Variants in ANKRD40 observed in about 807,000 individuals in gnomAD.
The protein encoded by ANKRD40 is ankyrin repeat domain 40, also known as ankyrin repeat domain-containing protein 40.
ANKRD40 carries 24 observed loss-of-function variants against 35.5 expected under a neutral mutation model. The ratio of observed to expected loss-of-function variants is 0.68; its 90% confidence interval spans 0.49 to 0.95. The LOEUF is 0.95. Among genes scored for constraint, ANKRD40 ranks in the 40% least tolerant of loss-of-function variants. ANKRD40 has a pLI of 0.00. For missense variants in ANKRD40, 361 were observed against 436.0 expected (o/e 0.83, Z 1.53); for synonymous variants, 147 against 173.5 (o/e 0.85, Z 1.20).
At chr17:50,701,714 T>C (rs1235527402) in intron 1 of ANKRD40, among the ~76,000 whole-genome samples, 1 of 152,234 alleles carries the variant, frequency 6.6e-6, no homozygotes, top group Non-Finnish European at 1.5e-5. Flanking sequence ...CTGAGATACA[T>C]ATCTTCAGAG....
chr17:50,696,203 C>T (rs771951371), intron 4 of ANKRD40, 60 bp from the exon 5 acceptor site: 25 of 1,537,312 alleles, frequency 1.6e-5, no homozygotes, highest in African/African-American at 9.6e-5. Context: ...ATGTTTGGTG[C>T]ACTCTATTGA....
rs762135918 is a variant in ANKRD40, at chr17:50,707,043, G to A, written c.134+478C>T. ...AACAACAGAGAAGCAGAATGGTGAT[G>A]CAAATGTGTTTTTTTTTCCTGGTCT... is the stretch of plus-strand genomic sequence containing the variant. On this transcript the variant is annotated intron_variant, in intron 1 of 4. Coordinates refer to ENST00000285243, the MANE Select transcript of ANKRD40 (RefSeq NM_052855.4). The surrounding 1 kb of genome is among the most constrained non-coding windows in gnomAD (Gnocchi z 4.8). Among the ~76,000 whole-genome samples, 5 of 151,986 alleles carry A rather than the reference G, an allele frequency of 3.3e-5. No individual in the cohort carries two copies. The highest frequency in any genetic ancestry group is 6.6e-5 in the Admixed American group (1 of 15,254).
intron 2 of ANKRD40, chr17:50,700,341 G>A: frequency 2.5e-6 from 1 of 401,252 alleles, no homozygotes; most frequent in East Asian, 4.3e-5. Flanking sequence ...TACTTGGGAG[G>A]CTGAGGCAGG....
chr17:50,702,713 G>A (rs541358000), intron 1 of ANKRD40, among the ~76,000 whole-genome samples: 1 of 152,234 alleles, frequency 6.6e-6, no homozygotes, highest in African/African-American at 2.4e-5. Flanking sequence ...AGAGACTCTG[G>A]GACAAACCAA....
Position 50,707,746 on chromosome 17 carries a change from G to C in ANKRD40, c.-92C>G. ...GCCGCCGTCGCCGCGGCCCGCTCCC[G>C]GCCATGGGGAGGGAGCGCGGAACTC... On this transcript the variant is annotated 5_prime_UTR_variant, in exon 1 of 5. Transcript: ENST00000285243. The surrounding 1 kb of genome is among the most constrained non-coding windows in gnomAD (Gnocchi z 4.8). 1.0e-6 allele frequency: 1 copy of C among 977,886 alleles called. No homozygotes were observed. Among genetic ancestry groups the C allele is most frequent in the Middle Eastern group, 4.0e-4 (1 of 2,506 alleles). 60.6% of individuals were successfully genotyped at this position (977,886 alleles called of 1,614,324 possible).
intron 3 of ANKRD40, among the ~76,000 whole-genome samples, 187 bp downstream of exon 3, chr17:50,699,212 T>C (rs1968234849): frequency 6.6e-6 from 1 of 152,038 alleles, no homozygotes; most frequent in Non-Finnish European, 1.5e-5. Context: ...ATGGAAAGAA[T>C]ACTGAAGGGT....
Position 50,697,050 on chromosome 17 carries a change from G to C in ANKRD40, c.850C>G (p.Arg284Gly), listed in dbSNP as rs772776762. The C allele has an allele frequency of 1.2e-6, 2 of 1,614,008 alleles. No homozygotes were observed. The highest frequency in any genetic ancestry group is 2.2e-5 in the South Asian group (2 of 91,060). ...AACTCTTGGTAGGTGAGCTCCTGTC[G>C]GTCCAGTTCAATTTCAATGAAATCA... ...ENDFIEIELD[R>G]QELTYQELLR... is the part of the protein sequence containing the mutation. Residue 284 changes from arginine (R) to glycine (G), a missense_variant, in exon 4 of 5, where the codon CGA becomes GGA. Physicochemically the swap from Arg to Gly is moderately radical, Grantham distance 125 (BLOSUM62 -2). This residue lies in a region of ANKRD40 where 93 missense variants were observed against 129.6 expected (regional missense o/e 0.72). Coordinates refer to ENST00000285243, the MANE Select transcript of ANKRD40 (RefSeq NM_052855.4).
chr17:50,695,839 T>A lies in ANKRD40; in HGVS notation c.*158A>T, dbSNP rs1257639482. On this transcript the variant is annotated 3_prime_UTR_variant, in exon 5 of 5. Coordinates refer to ENST00000285243, the MANE Select transcript of ANKRD40 (RefSeq NM_052855.4). ...GAAGAGTGGCACCACTGCTTGGGGG[T>A]CAGGGGCTTCCTACCTTGGCAGAAT... 25 of 779,980 alleles carry A rather than the reference T, an allele frequency of 3.2e-5. No homozygotes were observed. The allele number at this position is 779,980 out of a possible 1,614,324, so 48.3% of individuals were successfully genotyped here.
chr17:50,697,450 G>T (rs970059949), intron 3 of ANKRD40, among the ~76,000 whole-genome samples: 4 of 152,182 alleles, frequency 2.6e-5, no homozygotes, highest in African/African-American at 9.7e-5. Flanking sequence ...TTAAGAACAG[G>T]TTTGGGTATC....
chr17:50,696,718 T>A (rs1370788751), intron 4 of ANKRD40: 1 of 384,266 alleles, frequency 2.6e-6, no homozygotes, highest in African/African-American at 2.1e-5. Flanking sequence ...TACAGATGTC[T>A]TTGTTCCTTC....
At chr17:50,696,203 C>G in intron 4 of ANKRD40, 60 bp from the exon 5 acceptor site, 1 of 1,537,432 alleles carries the variant, frequency 6.5e-7, no homozygotes. Flanking sequence ...ATGTTTGGTG[C>G]ACTCTATTGA....
chr17:50,704,438 C>T (rs1968304947), intron 1 of ANKRD40, among the ~76,000 whole-genome samples: 1 of 150,820 alleles, frequency 6.6e-6, no homozygotes, highest in South Asian at 2.1e-4. Flanking sequence ...ATCGCTTGAA[C>T]CCAGGAGGTG....
chr17:50,700,576 A>C lies in ANKRD40; in HGVS notation c.275T>G (p.Ile92Ser). 2 of 1,613,998 alleles carry C rather than the reference A, an allele frequency of 1.2e-6. No individual in the cohort carries two copies. The highest frequency in any genetic ancestry group is 1.7e-6 in the Non-Finnish European group (2 of 1,179,974). Residue 92 changes from isoleucine to serine, a missense_variant, in exon 2 of 5, where the codon ATT becomes AGT. By Grantham distance (142) the Ile-to-Ser change is moderately radical (BLOSUM62 -2). Coordinates refer to ENST00000285243, the MANE Select transcript of ANKRD40 (RefSeq NM_052855.4). ...QLTSRREIRK[I>S]MGVEEEDDDD... The stretch of plus-strand genomic sequence containing the variant: ...CCCAAACACAGACTCACCTCCCATA[A>C]TCTTCCTGATTTCTCTCCTTGATGT...
At chr17:50,706,903 CAAAAAAAAAAAAAAA>C (rs35024672) in intron 1 of ANKRD40, among the ~76,000 whole-genome samples, 25 of 37,984 alleles carry the variant, frequency 6.6e-4, no homozygotes, top group African/African-American at 2.3e-4. Context: ...GACCCTGTCT[CAAAAAAAAAAAAAAA>C]AAAAAAAAAA....
In ANKRD40 at chr17:50,696,980, A is replaced by G. The variant is rs764270751; in HGVS notation, c.920T>C (p.Val307Ala). 1 of 1,613,090 alleles carries G rather than the reference A, an allele frequency of 6.2e-7. No homozygotes were observed. The highest frequency in any genetic ancestry group is 1.1e-5 in the South Asian group (1 of 90,868). The change falls in exon 4 of 5, where the codon GTG becomes GCG. Residue 307 changes from valine (V) to alanine (A), a missense_variant. Val to Ala is a moderately conservative substitution (Grantham distance 64, BLOSUM62 0). Coordinates refer to ENST00000285243, the MANE Select transcript of ANKRD40 (RefSeq NM_052855.4). ...CCELGVNPDQ[V>A]EKIRKLPNTL... Reference sequence around the variant, plus strand: ...ATTGGGTAACTTTCTGATCTTCTCCACTTGATCTGGATTAACACCCAGCTC... The same window carrying G: ...ATTGGGTAACTTTCTGATCTTCTCCGCTTGATCTGGATTAACACCCAGCTC...
rs1968360684 is a variant in ANKRD40, at chr17:50,707,785, G to A, written c.-131C>T. The A allele has an allele frequency of 3.5e-6, 2 of 575,734 alleles. No homozygotes were observed. The highest frequency in any genetic ancestry group is 2.2e-6 in the Non-Finnish European group (1 of 445,592). The allele number at this position is 575,734 out of a possible 1,614,324, so 35.7% of individuals were successfully genotyped here. ...AGCGCGGAACTCGCCCGCCCTGCTC[G>A]CGCCGCTGCCCGCGCCCGCCCCGGG... On this transcript the variant is annotated 5_prime_UTR_variant, in exon 1 of 5. Transcript: ENST00000285243. This position sits in a 1 kb window ranked among gnomAD's most constrained non-coding sequence, Gnocchi z 4.8.
At chr17:50,705,099 C>T (rs748038332) in intron 1 of ANKRD40, among the ~76,000 whole-genome samples, 6 of 122,052 alleles carry the variant, frequency 4.9e-5, no homozygotes, top group South Asian at 2.7e-4. Context: ...CCAGCCTGGG[C>T]GAGAGTGCGA....
Position 50,699,901 on chromosome 17 carries a change from A to G in ANKRD40, c.284-8T>C, listed in dbSNP as rs1968250049. ...CATCATCTTCTTCTTCCACTTAAAA[A>G]GAAGAAAACAGAACATTTACACAGT... On this transcript the variant is annotated splice_polypyrimidine_tract_variant and splice_region_variant and intron_variant, in intron 2 of 4. Transcript: ENST00000285243. 6.7e-7 allele frequency: 1 copy of G among 1,498,386 alleles called. No individual in the cohort carries two copies. The highest frequency in any genetic ancestry group is 8.9e-7 in the Non-Finnish European group (1 of 1,124,962). The allele number at this position is 1,498,386 out of a possible 1,614,324, so 92.8% of individuals were successfully genotyped here. A position where few individuals can be genotyped will look rare whatever the true frequency, so the allele number is the denominator to read the frequency against.
At chr17:50,704,641 G>C (rs945450867) in intron 1 of ANKRD40, among the ~76,000 whole-genome samples, 1 of 152,096 alleles carries the variant, frequency 6.6e-6, no homozygotes. Context: ...CAGATACCAG[G>C]TTTGTTTTCT....
Sources: gnomAD v4.1 joint callset for allele counts (sites outside exome capture counted in the v4.1 genomes callset) on GRCh38, gnomAD v4.1.1 for gene constraint, gnomAD v4.1.1 regional missense constraint, Gnocchi (gnomAD v3.1) non-coding constraint, MANE v1.5 for transcripts, NCBI Gene and HGNC (gene_info 2026-07-23, HGNC 2026-07-21) for gene names.